Variants in PLEKHN1 observed in about 807,000 individuals in gnomAD.
PLEKHN1 encodes pleckstrin homology domain-containing family N member 1.
A neutral mutation model predicts 72.8 loss-of-function variants in PLEKHN1; 68 were observed. That is an observed-to-expected ratio of 0.93 (90% CI 0.77 to 1.14). PLEKHN1 has a LOEUF of 1.14. PLEKHN1 is among the 50% of genes most tolerant of loss of function. The pLI is 0.00. For missense variants in PLEKHN1, 1,015 were observed against 840.5 expected (o/e 1.21, Z -2.57); for synonymous variants, 454 against 371.6 (o/e 1.22, Z -2.55).
Position 966,782 on chromosome 1 carries a change from C to G in PLEKHN1, c.162C>G (p.Leu54=). Residue 54 remains leucine, a synonymous_variant, in exon 2 of 16, where the codon CTC becomes CTG. Coordinates refer to ENST00000379410, the MANE Select transcript of PLEKHN1 (RefSeq NM_032129.3). ...GCGGGGACGCCGCCGCCAACAAGCT[C>G]TTCCACTACATCCCGGGCACGGTGA... ...ARSGDAAANK[L]FHYIPGTDIL... is the part of the protein sequence containing the mutation. The G allele has an allele frequency of 6.4e-7, 1 of 1,568,956 alleles. No individual in the cohort carries two copies. The highest frequency in any genetic ancestry group is 2.4e-5 in the East Asian group (1 of 42,084).
chr1:967,099 C>T (rs949164480), intron 2 of PLEKHN1, among the ~76,000 whole-genome samples: 2 of 152,232 alleles, frequency 1.3e-5, no homozygotes, highest in Non-Finnish European at 2.9e-5. Flanking sequence ...GTGTCTCTGT[C>T]GCTGCAGTGG....
At chr1:969,709 T>C (rs1420089031) in intron 2 of PLEKHN1, among the ~76,000 whole-genome samples, 1 of 152,162 alleles carries the variant, frequency 6.6e-6, no homozygotes, top group Non-Finnish European at 1.5e-5. Context: ...CGTATGTGTG[T>C]TCCCGTGTGT....
chr1:966,856 C>T (rs761364937), intron 2 of PLEKHN1, 53 bp downstream of exon 2: 77 of 1,492,160 alleles, frequency 5.2e-5, no homozygotes, highest in Admixed American at 3.3e-4. Context: ...TCTGCCCGCG[C>T]GTGTGTGCCG....
At chr1:973,360 G>C in intron 12 of PLEKHN1, 34 bp downstream of exon 12, 1 of 1,555,382 alleles carries the variant, frequency 6.4e-7, no homozygotes, top group African/African-American at 1.4e-5. Context: ...CCCCTGGCCT[G>C]GTTCCCACCG....
chr1:973,314 G>A lies in PLEKHN1; in HGVS notation c.1281G>A (p.Leu427=), dbSNP rs1187729304. Residue 427 remains leucine, a synonymous_variant, in exon 12 of 16, where the codon CTG becomes CTA. Transcript: ENST00000379410. ...GCGGCCCTGTCACCCCACTGCACCT[G>A]GACCTGACCCAGGTGGGCCCAGCAC... ...EGRGPVTPLH[L]DLTQLHRLSL... 6.5e-6 allele frequency: 10 copies of A among 1,547,168 alleles called. No homozygotes were observed. The highest frequency in any genetic ancestry group is 8.8e-6 in the Non-Finnish European group (10 of 1,141,830).
In PLEKHN1 at chr1:970,250, C is replaced by T; in HGVS notation, c.184-27C>T. The T allele has an allele frequency of 1.2e-6, 2 of 1,608,224 alleles. No individual in the cohort carries two copies. On this transcript the variant is annotated intron_variant, in intron 2 of 15. Coordinates refer to ENST00000379410, the MANE Select transcript of PLEKHN1 (RefSeq NM_032129.3). The surrounding 1 kb of genome is among the most constrained non-coding windows in gnomAD (Gnocchi z 4.2). ...GGGGGTGGGGGGCCCAGGGGAGGCCCCCTCCCCTGAGCTCTACTCCTCCTA... is the reference window on the plus strand; with the variant it reads ...GGGGGTGGGGGGCCCAGGGGAGGCCTCCTCCCCTGAGCTCTACTCCTCCTA...
chr1:974,027 G>C lies in PLEKHN1; in HGVS notation c.1629G>C (p.Pro543=), dbSNP rs774107629. 45 of 1,594,478 alleles carry C rather than the reference G, an allele frequency of 2.8e-5. No homozygotes were observed. The South Asian group carries it at 5.0e-4, about 18-fold the overall frequency. The part of the protein sequence containing the change: ...RHRGSAKDGG[P]QPPDAPQLVS... ...GGGGCTCAGCCAAGGATGGGGGGCC[G>C]CAGCCCCCAGACGCCCCTCAGCTTG... Residue 543 remains proline (P), a synonymous_variant, in exon 14 of 16, where the codon CCG becomes CCC. Coordinates refer to ENST00000379410, the MANE Select transcript of PLEKHN1 (RefSeq NM_032129.3).
In PLEKHN1 at chr1:974,318, CTCCTCTGCCAGG is replaced by C; in HGVS notation, c.1657_1668del (p.Ser553_Arg556del). 6.2e-7 allele frequency: 1 copy of C among 1,612,968 alleles called. No individual in the cohort carries two copies. The highest frequency in any genetic ancestry group is 8.5e-7 in the Non-Finnish European group (1 of 1,180,008). ...AGACTTGCGGTTTGGGGTTCCAGGT[CTCCTCTGCCAGG>C]GAAGGTTCGCCCGAACCCTGGCTGC... On this transcript the variant is annotated inframe_deletion, in exon 15 of 16. Coordinates refer to ENST00000379410, the MANE Select transcript of PLEKHN1 (RefSeq NM_032129.3).
At chr1:969,700 G>A (rs569607008) in intron 2 of PLEKHN1, among the ~76,000 whole-genome samples, 18 of 152,182 alleles carry the variant, frequency 1.2e-4, no homozygotes, top group African/African-American at 3.1e-4. Context: ...GTATAAGTGC[G>A]TATGTGTGTT....
At chr1:968,843 G>C (rs1422459890) in intron 2 of PLEKHN1, among the ~76,000 whole-genome samples, 2 of 152,184 alleles carry the variant, frequency 1.3e-5, no homozygotes, top group Non-Finnish European at 2.9e-5. Flanking sequence ...AGAGAGCATG[G>C]GTCTGATGTG....
Position 972,983 on chromosome 1 carries a change from C to T in PLEKHN1, c.1125C>T (p.Thr375=), listed in dbSNP as rs762614252. 60 of 1,594,300 alleles carry T rather than the reference C, an allele frequency of 3.8e-5. No homozygotes were observed. Among genetic ancestry groups the T allele is most frequent in the South Asian group, 4.5e-5 (4 of 88,356 alleles). ...HSLPESSVPS[T]VGCSSQHTPD... ...TGCCTGAGTCCTCAGTGCCATCCAC[C>T]GTGGGCTGCTCCTCCCAGCACACAC... is the stretch of plus-strand genomic sequence containing the variant. The change falls in exon 11 of 16, where the codon ACC becomes ACT. Residue 375 remains threonine (T), a synonymous_variant. Coordinates refer to ENST00000379410, the MANE Select transcript of PLEKHN1 (RefSeq NM_032129.3).
At position 966,749 on chromosome 1, in the gene PLEKHN1, T is replaced by A; in HGVS notation, c.129T>A (p.Ala43=). The change falls in exon 2 of 16, where the codon GCT becomes GCA. Residue 43 remains alanine, a synonymous_variant. Coordinates refer to ENST00000379410, the MANE Select transcript of PLEKHN1 (RefSeq NM_032129.3). The part of the protein sequence containing the change: ...RMSAGLPGPE[A]ARSGDAAANK... ...CGGCCGGCCTGCCGGGCCCCGAGGC[T>A]GCTCGAAGCGGGGACGCCGCCGCCA... 6.3e-7 allele frequency: 1 copy of A among 1,576,120 alleles called. No individual in the cohort carries two copies. Among genetic ancestry groups the A allele is most frequent in the Non-Finnish European group, 8.6e-7 (1 of 1,161,742 alleles).
At position 973,212 on chromosome 1, in the gene PLEKHN1, C is replaced by T. The variant is rs1570045670; in HGVS notation, c.1179C>T (p.Ser393=). 1.3e-6 allele frequency: 2 copies of T among 1,538,502 alleles called. No homozygotes were observed. Among genetic ancestry groups the T allele is most frequent in the East Asian group, 2.5e-5 (1 of 40,568 alleles). The stretch of plus-strand genomic sequence containing the variant: ...ACCAGGCCAACTCTGACCGTGCCAG[C>T]ATTGGCCGACGGAGGACCGAGCTGA... The part of the protein sequence containing the change: ...TPDQANSDRA[S]IGRRRTELRR... The change falls in exon 12 of 16, where the codon AGC becomes AGT. Residue 393 remains serine (S), a synonymous_variant. Transcript: ENST00000379410.
intron 11 of PLEKHN1, 73 bp downstream of exon 11, chr1:973,083 T>C: frequency 2.0e-6 from 3 of 1,527,054 alleles, no homozygotes; most frequent in Non-Finnish European, 2.7e-6. Flanking sequence ...GGGACCCTGG[T>C]TCCTCAGGGG....
chr1:966,651 G>A (rs1285356743), intron 1 of PLEKHN1, 37 bp downstream of exon 1: 4 of 1,593,408 alleles, frequency 2.5e-6, no homozygotes, highest in Non-Finnish European at 3.4e-6. Flanking sequence ...TGGGCGCAGG[G>A]CTCCCCCACC....
Position 975,274 on chromosome 1 carries a change from TGAG to T in PLEKHN1, c.*702_*704del, listed in dbSNP as rs1365205810. On this transcript the variant is annotated 3_prime_UTR_variant, in exon 16 of 16. Transcript: ENST00000379410. The stretch of plus-strand genomic sequence containing the variant: ...CAGCAGCCAGGGTCTCCCACAGTCT[TGAG>T]GACCCCCACCCAGCACCCAGCCAGG... 4 of 152,676 alleles carry T rather than the reference TGAG, an allele frequency of 2.6e-5. No homozygotes were observed. The East Asian group carries it at 7.7e-4, about 29-fold the overall frequency. 9.5% of individuals were successfully genotyped at this position (152,676 alleles called of 1,614,324 possible).
intron 2 of PLEKHN1, among the ~76,000 whole-genome samples, chr1:967,071 C>T (rs925110140): frequency 1.2e-4 from 18 of 152,210 alleles, no homozygotes; most frequent in East Asian, 7.7e-4. Context: ...GACCTCCTCC[C>T]GCAGGGGACC....
rs777813640 is a variant in PLEKHN1, at chr1:970,446, C to T, written c.330+23C>T. 1 of 1,613,088 alleles carries T rather than the reference C, an allele frequency of 6.2e-7. No individual in the cohort carries two copies. The highest frequency in any genetic ancestry group is 8.5e-7 in the Non-Finnish European group (1 of 1,179,916). ...CAGGTGGGGGCCGGGCTGGGTGGAG[C>T]ACGCTAAGGGTGCAGCATCCCCATC... On this transcript the variant is annotated intron_variant, in intron 3 of 15. Transcript: ENST00000379410. The surrounding 1 kb of genome is among the most constrained non-coding windows in gnomAD (Gnocchi z 4.2).
At position 972,350 on chromosome 1, in the gene PLEKHN1, C is replaced by T. The variant is rs1372012078; in HGVS notation, c.928C>T (p.Leu310=). The change falls in exon 10 of 16, where the codon CTG becomes TTG. Residue 310 remains leucine (L), a synonymous_variant. Transcript: ENST00000379410. ...ASYEDYGHWL[L]CLRAVTHREG... ...CTACGAGGACTACGGTCACTGGCTG[C>T]TGTGCCTTCGCGCTGTCACCCACAG... 1.2e-6 allele frequency: 2 copies of T among 1,610,952 alleles called. No individual in the cohort carries two copies. Among genetic ancestry groups the T allele is most frequent in the Non-Finnish European group, 1.7e-6 (2 of 1,179,412 alleles).
Sources: allele counts gnomAD v4.1 joint callset (sites outside exome capture counted in the v4.1 genomes callset), GRCh38; gene constraint gnomAD v4.1.1; non-coding constraint Gnocchi (gnomAD v3.1); transcripts MANE v1.5; gene names NCBI Gene and HGNC (gene_info 2026-07-23, HGNC 2026-07-21).